Variants in FER observed in about 807,000 individuals in gnomAD.
FER encodes FER tyrosine kinase.
In FER, 63 loss-of-function variants were observed where a neutral mutation model predicts 111.0. The ratio of observed to expected loss-of-function variants is 0.57; its 90% CI spans 0.46 to 0.70. FER has a LOEUF of 0.70. Ranked by LOEUF, FER falls within the 30% of genes least tolerant of loss-of-function variation. The pLI, the probability that FER is intolerant of heterozygous loss-of-function variation, is 0.00. For synonymous variants in FER, 327 were observed against 313.9 expected (o/e 1.04, Z -0.44); for missense variants, 914 against 954.0 (o/e 0.96, Z 0.55).
At chr5:108,797,516 G>A (rs1023070915) in intron 2 of FER, among the ~76,000 whole-genome samples, 5 of 152,176 alleles carry the variant, frequency 3.3e-5, no homozygotes, top group Non-Finnish European at 7.3e-5. Context: ...CTGTGACATG[G>A]CAGCAGTGAG....
intron 2 of FER, among the ~76,000 whole-genome samples, chr5:108,792,630 C>G (rs73207519): frequency 1.3e-5 from 2 of 152,122 alleles, no homozygotes; most frequent in East Asian, 3.9e-4. Context: ...AGCCACTGCA[C>G]CTGGCCCTAA....
intron 2 of FER, among the ~76,000 whole-genome samples, chr5:108,772,333 C>CACATATATATGTATATATATATATACAT (rs1753010139): frequency 3.6e-5 from 5 of 137,580 alleles, no homozygotes; most frequent in African/African-American, 1.4e-4. Context: ...TATATATATA[C>CACATATATATGTATATATATATATACAT]ACATATATAT....
At chr5:109,148,983 A>G (rs1754530493) in intron 17 of FER, among the ~76,000 whole-genome samples, 1 of 152,148 alleles carries the variant, frequency 6.6e-6, no homozygotes, top group African/African-American at 2.4e-5. Flanking sequence ...ACCAAACTAC[A>G]TCTGTCTTAC....
chr5:108,939,193 G>A (rs1292267239), intron 10 of FER, among the ~76,000 whole-genome samples: 1 of 123,184 alleles, frequency 8.1e-6, no homozygotes, highest in East Asian at 2.0e-4. Context: ...CAACATATGT[G>A]TTTAGTTTAT....
intron 17 of FER, among the ~76,000 whole-genome samples, chr5:109,136,237 G>A (rs1257514655): frequency 6.6e-6 from 1 of 151,930 alleles, no homozygotes; most frequent in Non-Finnish European, 1.5e-5. Flanking sequence ...AGGTTGCAAT[G>A]AGCTGAGATC....
chr5:108,936,632 T>C (rs1447858305), intron 10 of FER, among the ~76,000 whole-genome samples: 1 of 152,024 alleles, frequency 6.6e-6, no homozygotes, highest in Non-Finnish European at 1.5e-5. Context: ...TAACTTACAT[T>C]CATATTGATA....
chr5:108,989,653 G>T (rs1247668169), intron 13 of FER, among the ~76,000 whole-genome samples: 1 of 151,602 alleles, frequency 6.6e-6, no homozygotes, highest in Non-Finnish European at 1.5e-5. Context: ...ATTACATTAG[G>T]ATTTTCTAAA....
chr5:108,880,030 T>C (rs943902729), intron 8 of FER, among the ~76,000 whole-genome samples: 2 of 152,066 alleles, frequency 1.3e-5, no homozygotes, highest in Admixed American at 1.3e-4. Context: ...AATTTTATTC[T>C]TCTAAATTCA....
At chr5:108,994,083 C>T (rs1163810816) in intron 13 of FER, among the ~76,000 whole-genome samples, 2 of 152,182 alleles carry the variant, frequency 1.3e-5, no homozygotes, top group East Asian at 3.8e-4. Context: ...CGTCTGTTCA[C>T]TCTGATGATA....
intron 13 of FER, among the ~76,000 whole-genome samples, chr5:109,019,927 TG>T (rs1368244656): frequency 2.6e-5 from 4 of 152,066 alleles, no homozygotes; most frequent in African/African-American, 7.2e-5. Flanking sequence ...AGAAAAAAAT[TG>T]TAGCAGTGCT....
At chr5:108,777,256 A>G (rs886671494) in intron 2 of FER, among the ~76,000 whole-genome samples, 6 of 152,088 alleles carry the variant, frequency 3.9e-5, no homozygotes, top group Admixed American at 1.3e-4. Flanking sequence ...TCTTATTCTT[A>G]TTTTTATTTT....
At chr5:108,864,438 C>A (rs1011733983) in intron 5 of FER, among the ~76,000 whole-genome samples, 1 of 152,140 alleles carries the variant, frequency 6.6e-6, no homozygotes, top group Admixed American at 6.5e-5. Context: ...TTTCTCTGCT[C>A]TTTGCTCTGG....
At chr5:108,918,695 G>A (rs1445377296) in intron 10 of FER, among the ~76,000 whole-genome samples, 4 of 151,940 alleles carry the variant, frequency 2.6e-5, no homozygotes, top group Non-Finnish European at 5.9e-5. Flanking sequence ...CACTGTGTTA[G>A]CCAGGATGGT....
intron 10 of FER, among the ~76,000 whole-genome samples, chr5:108,908,595 G>A (rs1174478315): frequency 1.3e-5 from 2 of 151,910 alleles, no homozygotes; most frequent in Non-Finnish European, 2.9e-5. Flanking sequence ...AAACTGTGTA[G>A]TATTTGTTTT....
rs1390987585 is a variant in FER, at chr5:108,768,173, T to C, written c.-125T>C. ...TCTCAAGTATCTTCTTTGTCCCTAA[T>C]GTGTGACACCTCATCATGGACACGC... On this transcript the variant is annotated 5_prime_UTR_variant, in exon 2 of 20. The change abolishes an upstream ATG in the 5' untranslated region. Transcript: ENST00000281092. 6.6e-6 allele frequency: 1 copy of C among 152,230 alleles called. No individual in the cohort carries two copies. Among genetic ancestry groups the C allele is most frequent in the African/African-American group, 2.4e-5 (1 of 41,460 alleles). The allele number at this position is 152,230 out of a possible 1,614,324, so 9.4% of individuals were successfully genotyped here. A position where few individuals can be genotyped will look rare whatever the true frequency, so the allele number is the denominator to read the frequency against.
intron 16 of FER, among the ~76,000 whole-genome samples, chr5:109,061,996 T>G (rs1470502078): frequency 2.0e-5 from 3 of 146,452 alleles, no homozygotes; most frequent in Admixed American, 2.0e-4. Flanking sequence ...TGTCTTTGTT[T>G]GAATCATCTC....
chr5:108,969,241 C>T (rs1489201773), intron 13 of FER, among the ~76,000 whole-genome samples: 3 of 152,118 alleles, frequency 2.0e-5, no homozygotes, highest in Non-Finnish European at 4.4e-5. Context: ...TTAGTCACTG[C>T]AGCATTGTTT....
At chr5:109,152,009 T>G (rs1305824398) in intron 17 of FER, among the ~76,000 whole-genome samples, 1 of 152,112 alleles carries the variant, frequency 6.6e-6, no homozygotes, top group Non-Finnish European at 1.5e-5. Flanking sequence ...CGGGCAACCG[T>G]AGCTGTAGAT....
intron 13 of FER, among the ~76,000 whole-genome samples, chr5:109,023,877 G>A (rs978408050): frequency 6.6e-6 from 1 of 152,040 alleles, no homozygotes; most frequent in Admixed American, 6.6e-5. Context: ...AGAGATGATG[G>A]ACTCCCCTTT....
Sources: allele counts gnomAD v4.1 joint callset (sites outside exome capture counted in the v4.1 genomes callset), GRCh38; gene constraint gnomAD v4.1.1; transcripts MANE v1.5; gene names NCBI Gene and HGNC (gene_info 2026-07-23, HGNC 2026-07-21).